Variants in COL4A2 observed in about 807,000 individuals in gnomAD.
COL4A2 encodes collagen alpha-2(IV) chain.
Under a neutral mutation model 200.2 loss-of-function variants are expected in COL4A2, and 99 were observed. That is an observed-to-expected ratio of 0.49 (90% CI 0.42 to 0.58). The LOEUF (loss-of-function observed/expected upper bound fraction) is 0.58. Among genes scored for constraint, COL4A2 ranks in the 20% least tolerant of loss-of-function variants. The pLI is 0.00. For missense variants in COL4A2, 1,950 were observed against 2,314.1 expected, an observed-to-expected ratio of 0.84 and a Z score of 3.23; for synonymous variants, 897 against 900.6, an observed-to-expected ratio of 1.00 and a Z score of 0.07.
At chr13:110,378,480 C>T (rs1878335569) in intron 4 of COL4A2, among the ~76,000 whole-genome samples, 1 of 152,210 alleles carries the variant, frequency 6.6e-6, no homozygotes, top group South Asian at 2.1e-4. Flanking sequence ...AGGCCCTTTC[C>T]TCCGGGTCCC....
intron 18 of COL4A2, among the ~76,000 whole-genome samples, chr13:110,448,935 T>C (rs1881429488): frequency 6.6e-6 from 1 of 152,240 alleles, no homozygotes. Flanking sequence ...GCCCAGGGCC[T>C]CTGGCTGCGG....
intron 4 of COL4A2, among the ~76,000 whole-genome samples, chr13:110,369,121 G>A (rs1273672808): frequency 6.6e-6 from 1 of 152,150 alleles, no homozygotes; most frequent in African/African-American, 2.4e-5. Flanking sequence ...TGAGGCAGGA[G>A]AATCACTTGA....
chr13:110,475,801 A>T (rs780056017), intron 29 of COL4A2, among the ~76,000 whole-genome samples: 1 of 152,264 alleles, frequency 6.6e-6, no homozygotes, highest in African/African-American at 2.4e-5. Context: ...GAATGAAGTA[A>T]TGCAGACGTC....
intron 3 of COL4A2, among the ~76,000 whole-genome samples, chr13:110,336,783 A>T (rs1380364562): frequency 2.0e-5 from 3 of 152,176 alleles, no homozygotes; most frequent in Admixed American, 2.0e-4. Flanking sequence ...TTATTCCTGA[A>T]GCTTTCGTTG....
At chr13:110,507,886 C>G (rs750381674) in intron 46 of COL4A2, 49 bp from the exon 47 acceptor site, 1 of 1,574,120 alleles carries the variant, frequency 6.4e-7, no homozygotes, top group South Asian at 1.1e-5. Context: ...CTGGCAGGTG[C>G]GTCTTCTAGC....
At chr13:110,377,473 A>G (rs1475812347) in intron 4 of COL4A2, among the ~76,000 whole-genome samples, 1 of 151,994 alleles carries the variant, frequency 6.6e-6, no homozygotes, top group African/African-American at 2.4e-5. Context: ...CCATCCCAGG[A>G]CCCCGCACAT....
chr13:110,412,831 G>A (rs1879896263), intron 4 of COL4A2, among the ~76,000 whole-genome samples: 1 of 152,248 alleles, frequency 6.6e-6, no homozygotes, highest in Non-Finnish European at 1.5e-5. Flanking sequence ...TATCTCATCA[G>A]ATGCTGAGCG....
chr13:110,352,646 C>T (rs899731366), intron 3 of COL4A2, among the ~76,000 whole-genome samples: 12 of 152,186 alleles, frequency 7.9e-5, no homozygotes, highest in Admixed American at 6.5e-5. Context: ...GAGGTGTCCT[C>T]TCACTGGTGC....
intron 3 of COL4A2, among the ~76,000 whole-genome samples, chr13:110,356,306 C>T (rs1401293445): frequency 6.6e-6 from 1 of 152,182 alleles, no homozygotes; most frequent in Non-Finnish European, 1.5e-5. Context: ...ATTCCTCCTC[C>T]TTACTGAGCA....
At chr13:110,380,697 A>G (rs1878432977) in intron 4 of COL4A2, among the ~76,000 whole-genome samples, 1 of 151,362 alleles carries the variant, frequency 6.6e-6, no homozygotes, top group South Asian at 2.1e-4. Context: ...GCTCTATGTC[A>G]CACCCACAAG....
chr13:110,317,029 C>G (rs1250355426), intron 3 of COL4A2, among the ~76,000 whole-genome samples: 3 of 151,384 alleles, frequency 2.0e-5, no homozygotes, highest in South Asian at 2.1e-4. Context: ...CACACAGATG[C>G]ACACATACAT....
At chr13:110,386,139 A>G (rs1878739170) in intron 4 of COL4A2, among the ~76,000 whole-genome samples, 1 of 152,144 alleles carries the variant, frequency 6.6e-6, no homozygotes. Flanking sequence ...ATATGGATAG[A>G]CTGTGGTTGC....
intron 32 of COL4A2, 74 bp from the exon 33 acceptor site, chr13:110,484,831 G>A: frequency 6.7e-7 from 1 of 1,494,552 alleles, no homozygotes. Context: ...ATGGCTCAGG[G>A]ACCAGGCCTT....
intron 31 of COL4A2, 116 bp from the exon 32 acceptor site, chr13:110,482,400 G>C: frequency 3.5e-6 from 4 of 1,138,704 alleles, no homozygotes; most frequent in Non-Finnish European, 5.1e-6. Flanking sequence ...CCCTATTTTA[G>C]GTTCAGAATC....
At chr13:110,375,056 T>C (rs1304770496) in intron 4 of COL4A2, among the ~76,000 whole-genome samples, 1 of 152,232 alleles carries the variant, frequency 6.6e-6, no homozygotes, top group Non-Finnish European at 1.5e-5. Flanking sequence ...ATAAGGCACA[T>C]AGAAGACATT....
At chr13:110,342,515 A>G (rs910020543) in intron 3 of COL4A2, among the ~76,000 whole-genome samples, 10 of 152,198 alleles carry the variant, frequency 6.6e-5, no homozygotes. Context: ...GGTTAAGAAC[A>G]TGGACCATGG....
At chr13:110,365,458 A>G (rs1296437181) in intron 4 of COL4A2, among the ~76,000 whole-genome samples, 1 of 152,166 alleles carries the variant, frequency 6.6e-6, no homozygotes, top group Non-Finnish European at 1.5e-5. Flanking sequence ...TTCTTTAATT[A>G]GAACTAGATG....
rs147871111 is a variant in COL4A2 at position 110,458,942 on chromosome 13, G to T, written c.1596+8G>T. On this transcript the variant is annotated splice_region_variant and intron_variant, in intron 22 of 47. Transcript: ENST00000360467. ...GGGTTCCCAGGGCTCAAGGTGAGGA[G>T]CAATTTCATCATGAAGCTGGCAAGA... The T allele has an allele frequency of 6.5e-7, 1 of 1,541,022 alleles. No individual in the cohort carries two copies. The highest frequency in any genetic ancestry group is 8.7e-7 in the Non-Finnish European group (1 of 1,146,540).
chr13:110,375,822 T>C (rs1277428422), intron 4 of COL4A2, among the ~76,000 whole-genome samples: 1 of 151,508 alleles, frequency 6.6e-6, no homozygotes, highest in Non-Finnish European at 1.5e-5. Context: ...AGAGTGAGAC[T>C]CTGTCTCAAA....
Sources: gnomAD v4.1 joint callset for allele counts (sites outside exome capture counted in the v4.1 genomes callset) on GRCh38, gnomAD v4.1.1 for gene constraint, MANE v1.5 for transcripts, NCBI Gene and HGNC (gene_info 2026-07-23, HGNC 2026-07-21) for gene names.